PPFIA2: variants seen among roughly 807,000 people sequenced by gnomAD.
PPFIA2 encodes liprin-alpha-2.
A neutral mutation model predicts 175.5 loss-of-function variants in PPFIA2; 46 were observed. The observed-to-expected ratio is 0.26, with a 90% CI of 0.21 to 0.34. The LOEUF (loss-of-function observed/expected upper bound fraction) is 0.34, where lower values mean the gene tolerates loss of function less well. PPFIA2 is among the 10% of genes least tolerant of loss of function. The pLI is 1.00. For missense variants in PPFIA2, 1,179 were observed against 1,506.1 expected (o/e 0.78, Z 3.60); for synonymous variants, 568 against 511.4 (o/e 1.11, Z -1.49).
chr12:81,440,394 T>C (rs952075402), intron 6 of PPFIA2, among the ~76,000 whole-genome samples: 1 of 152,132 alleles, frequency 6.6e-6, no homozygotes, highest in Non-Finnish European at 1.5e-5. Flanking sequence ...ATAGTCACTG[T>C]TTAAGCATGA....
In PPFIA2 at chr12:81,736,302, T is replaced by A. The variant is rs530445705; in HGVS notation, c.249+17671A>T. ...TTTACTCTTAAGTATTTCATTATTT[T>A]AGATGCTATTATAGATGGAGTTGTT... is the stretch of plus-strand genomic sequence containing the variant. On this transcript the variant is annotated intron_variant, in intron 3 of 32. Transcript: ENST00000549396. Among the ~76,000 whole-genome samples the A allele has an allele frequency of 1.8e-4, 27 of 152,164 alleles. No homozygotes were observed. The South Asian group carries it at 5.2e-3, about 29-fold the overall frequency.
Position 81,295,130 on chromosome 12 carries a change from A to G in PPFIA2, c.2725-95T>C, listed in dbSNP as rs1287532774. 6 of 1,103,962 alleles carry G rather than the reference A, an allele frequency of 5.4e-6. No individual in the cohort carries two copies. The Admixed American group carries it at 1.3e-4, about 23-fold the overall frequency. The allele number at this position is 1,103,962 out of a possible 1,614,324, so 68.4% of individuals were successfully genotyped here. A position where few individuals can be genotyped will look rare whatever the true frequency, so the allele number is the denominator to read the frequency against. On this transcript the variant is annotated intron_variant, in intron 23 of 32. Coordinates refer to ENST00000549396, the MANE Select transcript of PPFIA2 (RefSeq NM_003625.5). ...GAATTATTTTATGTATCTTACATAC[A>G]TGACCTCACCCCACGAGATAAAATG...
chr12:81,691,438 G>A (rs2075230211), intron 3 of PPFIA2, among the ~76,000 whole-genome samples: 1 of 152,086 alleles, frequency 6.6e-6, no homozygotes, highest in Non-Finnish European at 1.5e-5. Context: ...CTGTGTGTGG[G>A]AGGACTCTGC....
rs370116493 is a variant in PPFIA2, at chr12:81,491,832, T to C, written c.304-33966A>G. 5.9e-5 allele frequency among the ~76,000 whole-genome samples: 9 copies of C among 152,108 alleles called. No homozygotes were observed. In the South Asian group the frequency reaches 1.7e-3, roughly 28 times the overall value. Reference sequence around the variant, plus strand: ...CTTTACCTATAGCCCTAAACCAAAATGTCTAATACTTCTCTAAAAGGAACA... The same window carrying C: ...CTTTACCTATAGCCCTAAACCAAAACGTCTAATACTTCTCTAAAAGGAACA... On this transcript the variant is annotated intron_variant, in intron 4 of 32. Coordinates refer to ENST00000549396, the MANE Select transcript of PPFIA2 (RefSeq NM_003625.5).
At chr12:81,672,054 T>C (rs543834298) in intron 4 of PPFIA2, among the ~76,000 whole-genome samples, 2 of 151,984 alleles carry the variant, frequency 1.3e-5, no homozygotes, top group Admixed American at 1.3e-4. Flanking sequence ...ATTATCAGTG[T>C]CTCCAAAACC....
At chr12:81,450,681 T>G (rs944612881) in intron 5 of PPFIA2, among the ~76,000 whole-genome samples, 6 of 152,220 alleles carry the variant, frequency 3.9e-5, no homozygotes, top group African/African-American at 1.4e-4. Flanking sequence ...TTGTTGCCAT[T>G]GCTTTTGGTG....
At chr12:81,525,669 G>C (rs2063651685) in intron 4 of PPFIA2, among the ~76,000 whole-genome samples, 1 of 151,998 alleles carries the variant, frequency 6.6e-6, no homozygotes, top group African/African-American at 2.4e-5. Context: ...AATGTGTGCT[G>C]TCTTAAGTTG....
At chr12:81,516,648 T>C (rs2062482324) in intron 4 of PPFIA2, among the ~76,000 whole-genome samples, 1 of 152,074 alleles carries the variant, frequency 6.6e-6, no homozygotes, top group East Asian at 1.9e-4. Context: ...TCTGAGGCAA[T>C]CAAAAGTTCA....
intron 4 of PPFIA2, among the ~76,000 whole-genome samples, chr12:81,633,839 G>T (rs1440748254): frequency 2.0e-5 from 3 of 151,958 alleles, no homozygotes; most frequent in African/African-American, 7.2e-5. Flanking sequence ...GTTTGGAGCA[G>T]GGGGGAGAGG....
chr12:81,375,972 A>G, intron 9 of PPFIA2, 30 bp from the exon 10 acceptor site: 2 of 1,578,188 alleles, frequency 1.3e-6, no homozygotes, highest in Non-Finnish European at 1.7e-6. Context: ...GAAAAAGCAA[A>G]TCAGATTCTC....
At chr12:81,688,765 G>T (rs2074802710) in intron 3 of PPFIA2, among the ~76,000 whole-genome samples, 1 of 147,150 alleles carries the variant, frequency 6.8e-6, no homozygotes, top group Non-Finnish European at 1.5e-5. Flanking sequence ...AGAATTTTTT[G>T]TGAACTGAAA....
At chr12:81,337,672 G>C (rs1180431980) in intron 21 of PPFIA2, among the ~76,000 whole-genome samples, 1 of 152,018 alleles carries the variant, frequency 6.6e-6, no homozygotes, top group Non-Finnish European at 1.5e-5. Context: ...TAAAAGTAAA[G>C]TGTCAATTAT....
At chr12:81,261,112 C>A (rs1313184139) in intron 32 of PPFIA2, 1 of 151,936 alleles carries the variant, frequency 6.6e-6, no homozygotes, top group African/African-American at 2.4e-5. Context: ...TTATTTTGTT[C>A]CTATATGTCT....
In PPFIA2 at chr12:81,536,954, A is replaced by T. The variant is rs928475301; in HGVS notation, c.304-79088T>A. On this transcript the variant is annotated intron_variant, in intron 4 of 32. Coordinates refer to ENST00000549396, the MANE Select transcript of PPFIA2 (RefSeq NM_003625.5). ...TAAACATTTTTTAAAATTCATGATA[A>T]GTTCCCCACCGGTTATTGACAGGTT... is the stretch of plus-strand genomic sequence containing the variant. Among the ~76,000 whole-genome samples, 3 of 151,098 alleles carry T rather than the reference A, an allele frequency of 2.0e-5. No individual in the cohort carries two copies. The East Asian group carries it at 5.8e-4, about 29-fold the overall frequency.
Position 81,507,985 on chromosome 12 carries a change from T to TA in PPFIA2, c.304-50120dup, listed in dbSNP as rs993796307. 5.3e-5 allele frequency among the ~76,000 whole-genome samples: 8 copies of TA among 151,826 alleles called. No individual in the cohort carries two copies. In the South Asian group the frequency reaches 8.3e-4, roughly 16 times the overall value. The stretch of plus-strand genomic sequence containing the variant: ...ATTTGTTTTCTTAGTATTAGACATT[T>TA]AAAAAAAATAATACCAAAGAGTATC... On this transcript the variant is annotated intron_variant, in intron 4 of 32. Transcript: ENST00000549396.
At chr12:81,395,644 C>A (rs554115991) in intron 8 of PPFIA2, among the ~76,000 whole-genome samples, 12 of 152,038 alleles carry the variant, frequency 7.9e-5, no homozygotes, top group Non-Finnish European at 1.3e-4. Context: ...CTTCAGGAAT[C>A]CTGTCAGATT....
At chr12:81,491,444 A>G (rs1450463449) in intron 4 of PPFIA2, among the ~76,000 whole-genome samples, 1 of 151,892 alleles carries the variant, frequency 6.6e-6, no homozygotes, top group African/African-American at 2.4e-5. Context: ...GTCTTTATTT[A>G]TTGCTAGAGA....
chr12:81,439,026 T>G (rs779356500), intron 7 of PPFIA2, among the ~76,000 whole-genome samples: 11 of 151,962 alleles, frequency 7.2e-5, no homozygotes, highest in Non-Finnish European at 1.5e-4. Flanking sequence ...TATATTAGTA[T>G]GTCCAATACT....
chr12:81,642,707 T>TAATATATACATAC, intron 4 of PPFIA2, among the ~76,000 whole-genome samples: 1 of 69,866 alleles, frequency 1.4e-5, no homozygotes, highest in African/African-American at 3.9e-5. Context: ...CATGTATATG[T>TAATATATACATAC]ATGTATGTAT....
Sources: allele counts gnomAD v4.1 joint callset (sites outside exome capture counted in the v4.1 genomes callset), GRCh38; gene constraint gnomAD v4.1.1; transcripts MANE v1.5; gene names NCBI Gene and HGNC (gene_info 2026-07-23, HGNC 2026-07-21).